Variants in C20orf203 observed in about 807,000 individuals in gnomAD.
C20orf203 encodes the protein chromosome 20 open reading frame 203.
C20orf203 carries 16 observed loss-of-function variants against 15.9 expected under a neutral mutation model. The ratio of observed to expected loss-of-function variants is 1.01; its 90% CI spans 0.68 to 1.53. The LOEUF (loss-of-function observed/expected upper bound fraction) is 1.53. Ranked by LOEUF, C20orf203 falls within the 40% of genes most tolerant of loss-of-function variation. The pLI, the probability that C20orf203 is intolerant of heterozygous loss-of-function variation, is 0.00. For missense variants in C20orf203, 263 were observed against 247.5 expected, an observed-to-expected ratio of 1.06 and a Z score of -0.42; for synonymous variants, 98 against 97.2, an observed-to-expected ratio of 1.01 and a Z score of -0.05.
At chr20:32,655,970 T>C (rs1158096572) in intron 1 of C20orf203, among the ~76,000 whole-genome samples, 1 of 151,868 alleles carries the variant, frequency 6.6e-6, no homozygotes, top group Non-Finnish European at 1.5e-5. Flanking sequence ...AATGAGGGAG[T>C]TCTTGCTCTG....
intron 5 of C20orf203, among the ~76,000 whole-genome samples, chr20:32,634,910 A>C (rs1256949997): frequency 6.6e-6 from 1 of 152,244 alleles, no homozygotes; most frequent in African/African-American, 2.4e-5. Context: ...CTTTTTAAAA[A>C]TAATTTCAGC....
At chr20:32,664,341 G>A (rs1271954987) in intron 1 of C20orf203, among the ~76,000 whole-genome samples, 1 of 152,216 alleles carries the variant, frequency 6.6e-6, no homozygotes, top group Admixed American at 6.5e-5. Context: ...AGAAGCCAGT[G>A]GTCTCCAGCC....
In C20orf203 at chr20:32,662,277, C is replaced by G. The variant is rs143208983; in HGVS notation, c.-263-10296G>C. Among the ~76,000 whole-genome samples the G allele has an allele frequency of 3.9e-3, 589 of 152,282 alleles. 4 individuals carry two copies. The highest frequency in any genetic ancestry group is 0.013 in the African/African-American group (531 of 41,558). On this transcript the variant is annotated intron_variant, in intron 1 of 5. Transcript: ENST00000608990. Reference sequence around the variant, plus strand: ...TGGGCACACTGCCTATAGGTTAGCCCTGCTCTGCAAGGAGCTATAGAGTTA... The same window carrying G: ...TGGGCACACTGCCTATAGGTTAGCCGTGCTCTGCAAGGAGCTATAGAGTTA...
rs1448837020 is a variant in C20orf203 at position 32,650,662 on chromosome 20, C to T, written c.355G>A (p.Asp119Asn). The change falls in exon 4 of 6, where the codon GAT becomes AAT. Residue 119 changes from aspartate (D) to asparagine (N), a missense_variant. Transcript: ENST00000608990. ...CGCAGCCCCCTCCCCACTTCCCTAT[C>T]TCTCCGACCCACCTTGCTGAGCCTG... ...GLRLSKVGRR[D>N]REVGRGLRAP... The T allele has an allele frequency of 1.9e-6, 3 of 1,548,514 alleles. No individual in the cohort carries two copies. The highest frequency in any genetic ancestry group is 8.7e-7 in the Non-Finnish European group (1 of 1,145,664).
chr20:32,641,825 GTTCTGT>G (rs1982289173), intron 4 of C20orf203, among the ~76,000 whole-genome samples: 1 of 151,906 alleles, frequency 6.6e-6, no homozygotes, highest in African/African-American at 2.4e-5. Flanking sequence ...ATTTGTTTTT[GTTCTGT>G]TTCTGTTTTT....
chr20:32,646,381 T>C (rs907855897), intron 4 of C20orf203, among the ~76,000 whole-genome samples: 3 of 152,074 alleles, frequency 2.0e-5, no homozygotes, highest in Non-Finnish European at 4.4e-5. Context: ...AATTTTTGTA[T>C]TTTTAGTAGA....
intron 1 of C20orf203, among the ~76,000 whole-genome samples, chr20:32,660,041 A>G (rs558400036): frequency 1.9e-3 from 296 of 152,248 alleles, no homozygotes; most frequent in African/African-American, 6.9e-3. Flanking sequence ...CAGCAGATCT[A>G]TAAGTCTTCA....
At chr20:32,669,141 C>T (rs953752587) in intron 1 of C20orf203, among the ~76,000 whole-genome samples, 3 of 152,174 alleles carry the variant, frequency 2.0e-5, no homozygotes, top group Non-Finnish European at 2.9e-5. Context: ...TCCTGGGGTG[C>T]CCCAGCCTCT....
At chr20:32,665,685 GC>G (rs2145681597) in intron 1 of C20orf203, among the ~76,000 whole-genome samples, 1 of 152,286 alleles carries the variant, frequency 6.6e-6, no homozygotes, top group South Asian at 2.1e-4. Context: ...GTTTTTTAAG[GC>G]CAGGTGCGGT....
chr20:32,649,442 G>A lies in C20orf203; in HGVS notation c.*990C>T, dbSNP rs1410460443. The A allele has an allele frequency of 6.6e-6, 1 of 152,370 alleles. No individual in the cohort carries two copies. The highest frequency in any genetic ancestry group is 2.4e-5 in the African/African-American group (1 of 41,466). 9.4% of individuals were successfully genotyped at this position (152,370 alleles called of 1,614,324 possible). On this transcript the variant is annotated 3_prime_UTR_variant, in exon 4 of 6. Coordinates refer to ENST00000608990, the MANE Select transcript of C20orf203 (RefSeq NM_182584.4). ...AATCCTCACATCAGCCCATGAAGCA[G>A]CTATGAATCATAGGGGAACTAAGGC...
intron 5 of C20orf203, among the ~76,000 whole-genome samples, chr20:32,634,564 G>A (rs980749285): frequency 3.3e-5 from 5 of 152,138 alleles, no homozygotes; most frequent in African/African-American, 4.8e-5. Flanking sequence ...ATGAAGTTAC[G>A]CAGGACGGAG....
chr20:32,673,925 A>C lies in C20orf203; in HGVS notation c.-557T>G, dbSNP rs1983240179. ...CAGGCTTGGGAAGAAAAGTCAGCTC[A>C]GACCCACTGGCTATGTGACCTGGCC... is the stretch of plus-strand genomic sequence containing the variant. On this transcript the variant is annotated 5_prime_UTR_variant, in exon 1 of 6. Transcript: ENST00000608990. 6.6e-6 allele frequency: 1 copy of C among 152,264 alleles called. No individual in the cohort carries two copies. Among genetic ancestry groups the C allele is most frequent in the Non-Finnish European group, 1.5e-5 (1 of 68,102 alleles). 9.4% of individuals were successfully genotyped at this position (152,264 alleles called of 1,614,324 possible).
Position 32,650,060 on chromosome 20 carries a change from T to G in C20orf203, c.*372A>C. The G allele has an allele frequency of 2.1e-5, 4 of 188,190 alleles. No individual in the cohort carries two copies. Among genetic ancestry groups the G allele is most frequent in the Non-Finnish European group, 2.2e-5 (2 of 90,926 alleles). The allele number at this position is 188,190 out of a possible 1,614,324, so 11.7% of individuals were successfully genotyped here. A position where few individuals can be genotyped will look rare whatever the true frequency, so the allele number is the denominator to read the frequency against. ...TCCCTTTCCGGATGTGGGGTGGGAG[T>G]GACACACAGGAGTACTGCAGCCTCC... On this transcript the variant is annotated 3_prime_UTR_variant, in exon 4 of 6. Coordinates refer to ENST00000608990, the MANE Select transcript of C20orf203 (RefSeq NM_182584.4).
chr20:32,665,033 G>A (rs1474972827), intron 1 of C20orf203, among the ~76,000 whole-genome samples: 1 of 152,190 alleles, frequency 6.6e-6, no homozygotes, highest in Non-Finnish European at 1.5e-5. Context: ...CGCCCTTGGT[G>A]GCCACTGGGT....
intron 1 of C20orf203, among the ~76,000 whole-genome samples, chr20:32,662,915 C>CTATA (rs1338463547): frequency 1.7e-5 from 2 of 119,544 alleles, no homozygotes; most frequent in Non-Finnish European, 3.6e-5. Context: ...AAAGGAACAG[C>CTATA]TAGATATATA....
At chr20:32,648,534 A>G (rs149473161) in intron 4 of C20orf203, among the ~76,000 whole-genome samples, 149 of 130,832 alleles carry the variant, frequency 1.1e-3, no homozygotes, top group African/African-American at 3.8e-3. Context: ...TCCGCCTCCC[A>G]GGTTCACGCC....
chr20:32,661,987 A>AT (rs1982900601), intron 1 of C20orf203, among the ~76,000 whole-genome samples: 1 of 152,194 alleles, frequency 6.6e-6, no homozygotes, highest in Non-Finnish European at 1.5e-5. Context: ...ACAGAGCCAC[A>AT]AAAGGACTTG....
rs1163843323 is a variant in C20orf203 at position 32,652,953 on chromosome 20, G to T, written c.-263-972C>A. Reference sequence around the variant, plus strand: ...GTGCCTCCGTCACTCCCTTCCTGGAGATCAGAGCTCAGCCAGAGGAGCGGG... The same window carrying T: ...GTGCCTCCGTCACTCCCTTCCTGGATATCAGAGCTCAGCCAGAGGAGCGGG... On this transcript the variant is annotated intron_variant, in intron 1 of 5. Coordinates refer to ENST00000608990, the MANE Select transcript of C20orf203 (RefSeq NM_182584.4). Among the ~76,000 whole-genome samples the T allele has an allele frequency of 2.0e-5, 3 of 152,188 alleles. No individual in the cohort carries two copies. In the East Asian group the frequency reaches 5.8e-4, roughly 29 times the overall value.
intron 4 of C20orf203, among the ~76,000 whole-genome samples, chr20:32,642,950 G>A (rs1020423389): frequency 6.6e-6 from 1 of 152,150 alleles, no homozygotes; most frequent in African/African-American, 2.4e-5. Flanking sequence ...CTGTGTCTTG[G>A]TGGGGCCAGG....
Sources: allele counts gnomAD v4.1 joint callset (sites outside exome capture counted in the v4.1 genomes callset), GRCh38; gene constraint gnomAD v4.1.1; transcripts MANE v1.5; gene names NCBI Gene and HGNC (gene_info 2026-07-23, HGNC 2026-07-21).